GOLPH3: variants seen among roughly 807,000 people sequenced by gnomAD.
The protein encoded by GOLPH3 is coat protein GPP34.
Under a neutral mutation model 28.5 loss-of-function variants are expected in GOLPH3, and 14 were observed. The observed-to-expected ratio is 0.49, with a 90% CI of 0.32 to 0.77. The LOEUF (loss-of-function observed/expected upper bound fraction) is 0.77. Ranked by LOEUF, GOLPH3 falls within the 30% of genes least tolerant of loss-of-function variation. The probability of loss-of-function intolerance (pLI) is 0.03; values close to 1 mark genes in which losing one functional copy is unlikely to be tolerated. For synonymous variants in GOLPH3, 158 were observed against 159.2 expected (o/e 0.99, Z 0.06); for missense variants, 350 against 393.7 (o/e 0.89, Z 0.94).
intron 1 of GOLPH3, among the ~76,000 whole-genome samples, chr5:32,169,416 G>GA (rs1746784147): frequency 6.6e-6 from 1 of 152,186 alleles, no homozygotes; most frequent in Admixed American, 6.6e-5. Flanking sequence ...CATTATACAT[G>GA]AAAACACTGA....
intron 2 of GOLPH3, among the ~76,000 whole-genome samples, chr5:32,142,667 G>A (rs1445325200): frequency 7.2e-6 from 1 of 138,796 alleles, no homozygotes; most frequent in Non-Finnish European, 1.6e-5. Flanking sequence ...CAGCCCCCAA[G>A]CCCGGCCAGC....
intron 2 of GOLPH3, among the ~76,000 whole-genome samples, chr5:32,142,795 T>TCCGGCCAGCTGCC: frequency 9.1e-6 from 1 of 109,782 alleles, no homozygotes; most frequent in Non-Finnish European, 1.9e-5. Context: ...AGCCCCTCTG[T>TCCGGCCAGCTGCC]CCGGCCAGCT....
In GOLPH3 at chr5:32,146,018, G is replaced by A. The variant is rs145040120; in HGVS notation, c.226-2138C>T. On this transcript the variant is annotated intron_variant, in intron 1 of 3. Coordinates refer to ENST00000265070, the MANE Select transcript of GOLPH3 (RefSeq NM_022130.4). ...AAAATTAACCATAGGGTGGCCAGGC[G>A]CAGTGACATACACCTGTAATCCCAG... is the stretch of plus-strand genomic sequence containing the variant. Among the ~76,000 whole-genome samples the A allele has an allele frequency of 9.9e-5, 15 of 152,194 alleles. No individual in the cohort carries two copies. In the East Asian group the frequency reaches 1.5e-3, roughly 16 times the overall value.
chr5:32,133,470 A>T (rs866406999), intron 3 of GOLPH3, among the ~76,000 whole-genome samples: 1 of 152,384 alleles, frequency 6.6e-6, no homozygotes. Flanking sequence ...CACCAGAAGC[A>T]GTCATGGGCC....
chr5:32,147,780 A>C (rs1746210838), intron 1 of GOLPH3, among the ~76,000 whole-genome samples: 1 of 152,186 alleles, frequency 6.6e-6, no homozygotes, highest in South Asian at 2.1e-4. Context: ...CTCTCCATGA[A>C]AATAACTATG....
In GOLPH3 at chr5:32,126,074, GA is replaced by G; in HGVS notation, c.*137del. The G allele has an allele frequency of 1.1e-6, 1 of 895,940 alleles. No homozygotes were observed. Among genetic ancestry groups the G allele is most frequent in the Non-Finnish European group, 1.7e-6 (1 of 581,820 alleles). The allele number at this position is 895,940 out of a possible 1,614,324, so 55.5% of individuals were successfully genotyped here. ...CAGAATCCTGTACACGTACAAAAAA[GA>G]AAAAGCCACCCACCATTTTGTAAAA... On this transcript the variant is annotated 3_prime_UTR_variant, in exon 4 of 4. Coordinates refer to ENST00000265070, the MANE Select transcript of GOLPH3 (RefSeq NM_022130.4).
In GOLPH3 at chr5:32,147,206, A is replaced by G. The variant is rs928040657; in HGVS notation, c.226-3326T>C. On this transcript the variant is annotated intron_variant, in intron 1 of 3. Coordinates refer to ENST00000265070, the MANE Select transcript of GOLPH3 (RefSeq NM_022130.4). Reference sequence around the variant, plus strand: ...ATATTGATCACATCATTATCATAGTAAAACACAAAAACAATCTAAAAGCAA... The same window carrying G: ...ATATTGATCACATCATTATCATAGTGAAACACAAAAACAATCTAAAAGCAA... Among the ~76,000 whole-genome samples, 41 of 152,100 alleles carry G rather than the reference A, an allele frequency of 2.7e-4. No homozygotes were observed. The Middle Eastern group carries it at 0.01, about 38-fold the overall frequency.
In GOLPH3 at chr5:32,174,095, C is replaced by T; in HGVS notation, c.-61G>A. 1.8e-6 allele frequency: 2 copies of T among 1,140,132 alleles called. No homozygotes were observed. The highest frequency in any genetic ancestry group is 2.2e-6 in the Non-Finnish European group (2 of 904,476). The allele number at this position is 1,140,132 out of a possible 1,614,324, so 70.6% of individuals were successfully genotyped here. A position where few individuals can be genotyped will look rare whatever the true frequency, so the allele number is the denominator to read the frequency against. ...TCGCAGGACCGACCGGGTCGCCCTC[C>T]TCCTCCCCGCGCGGCCTCCGATCCG... On this transcript the variant is annotated 5_prime_UTR_variant, in exon 1 of 4. Coordinates refer to ENST00000265070, the MANE Select transcript of GOLPH3 (RefSeq NM_022130.4).
intron 1 of GOLPH3, among the ~76,000 whole-genome samples, chr5:32,164,631 C>T (rs1746665897): frequency 2.0e-5 from 3 of 151,958 alleles, no homozygotes; most frequent in Admixed American, 6.6e-5. Context: ...CTCCTGACCT[C>T]GTGATCCACC....
At chr5:32,145,292 G>A (rs905817294) in intron 1 of GOLPH3, among the ~76,000 whole-genome samples, 1 of 152,240 alleles carries the variant, frequency 6.6e-6, no homozygotes, top group African/African-American at 2.4e-5. Context: ...TAAATGTGAG[G>A]TGTAAGTAGC....
At position 32,173,877 on chromosome 5, in the gene GOLPH3, C is replaced by A; in HGVS notation, c.158G>T (p.Gly53Val). 2 of 1,528,100 alleles carry A rather than the reference C, an allele frequency of 1.3e-6. No individual in the cohort carries two copies. The highest frequency in any genetic ancestry group is 1.8e-6 in the Non-Finnish European group (2 of 1,140,926). 94.7% of individuals were successfully genotyped at this position (1,528,100 alleles called of 1,614,324 possible). Residue 53 changes from glycine to valine, a missense_variant, in exon 1 of 4, where the codon GGC becomes GTC. Gly to Val is a moderately radical substitution (Grantham distance 109, BLOSUM62 -3). Coordinates refer to ENST00000265070, the MANE Select transcript of GOLPH3 (RefSeq NM_022130.4). ...GGTCAGCCGCGTTTCCTTGGAGTCG[C>A]CCTTGTCGTCGTCGTCCTGCTCGTC... ...RRDEQDDDDK[G>V]DSKETRLTLM...
At chr5:32,156,699 C>T (rs1009453957) in intron 1 of GOLPH3, among the ~76,000 whole-genome samples, 2 of 152,142 alleles carry the variant, frequency 1.3e-5, no homozygotes, top group African/African-American at 4.8e-5. Flanking sequence ...GGATCGCCTA[C>T]CTTAGATCCC....
chr5:32,157,579 T>A (rs901509261), intron 1 of GOLPH3, among the ~76,000 whole-genome samples: 1 of 152,216 alleles, frequency 6.6e-6, no homozygotes, highest in Non-Finnish European at 1.5e-5. Flanking sequence ...TCAATCCAAC[T>A]GTCACTTTTT....
intron 1 of GOLPH3, among the ~76,000 whole-genome samples, chr5:32,165,298 A>T (rs1026177780): frequency 6.6e-6 from 1 of 152,006 alleles, no homozygotes; most frequent in Non-Finnish European, 1.5e-5. Context: ...AAATTATAGA[A>T]CAGGCCAGGC....
chr5:32,137,783 C>T (rs193125178), intron 2 of GOLPH3, among the ~76,000 whole-genome samples: 5 of 152,258 alleles, frequency 3.3e-5, no homozygotes, highest in East Asian at 1.9e-4. Flanking sequence ...CCTTCATTCA[C>T]GTTGTTGGCT....
At chr5:32,142,524 C>T (rs1344055945) in intron 2 of GOLPH3, among the ~76,000 whole-genome samples, 2 of 146,172 alleles carry the variant, frequency 1.4e-5, no homozygotes, top group African/African-American at 2.6e-5. Context: ...AGGTGAGGGG[C>T]GCCTCTGCCC....
At chr5:32,141,762 T>G (rs1286747072) in intron 2 of GOLPH3, among the ~76,000 whole-genome samples, 1 of 152,164 alleles carries the variant, frequency 6.6e-6, no homozygotes, top group Non-Finnish European at 1.5e-5. Flanking sequence ...CCGCCACGCC[T>G]GACTGGTTTT....
rs571028618 is a variant in GOLPH3, at chr5:32,158,898, C to G, written c.225+14912G>C. On this transcript the variant is annotated intron_variant, in intron 1 of 3. Transcript: ENST00000265070. ...GCACACAGTCATACTCTGCCATACACTGAGTATCTATGCTGTTAAAACTGT... is the reference window on the plus strand; with the variant it reads ...GCACACAGTCATACTCTGCCATACAGTGAGTATCTATGCTGTTAAAACTGT... 8.7e-4 allele frequency among the ~76,000 whole-genome samples: 132 copies of G among 152,350 alleles called. 3 individuals are homozygous for G. In the South Asian group the frequency reaches 0.026, roughly 30 times the overall value.
intron 1 of GOLPH3, among the ~76,000 whole-genome samples, chr5:32,173,514 A>G (rs1746894774): frequency 6.6e-6 from 1 of 152,096 alleles, no homozygotes; most frequent in African/African-American, 2.4e-5. Context: ...CGCGGAAAAA[A>G]GGCGACGAAG....
Sources: allele counts gnomAD v4.1 joint callset (sites outside exome capture counted in the v4.1 genomes callset), GRCh38; gene constraint gnomAD v4.1.1; transcripts MANE v1.5; gene names NCBI Gene and HGNC (gene_info 2026-07-23, HGNC 2026-07-21).